Variants in STARD13 observed in about 807,000 individuals in gnomAD.
The protein encoded by STARD13 is stAR-related lipid transfer protein 13.
In STARD13, 62 loss-of-function variants were observed where a neutral mutation model predicts 106.4. The ratio of observed to expected loss-of-function variants is 0.58; its 90% CI spans 0.48 to 0.72. The LOEUF is 0.72. Among genes scored for constraint, STARD13 ranks in the 30% least tolerant of loss-of-function variants. The pLI is 0.00. For missense variants in STARD13, 1,387 were observed against 1,424.0 expected, an observed-to-expected ratio of 0.97 and a Z score of 0.42; for synonymous variants, 565 against 553.0, an observed-to-expected ratio of 1.02 and a Z score of -0.31.
At chr13:33,343,288 A>T (rs2138600164) in intron 1 of STARD13, among the ~76,000 whole-genome samples, 1 of 151,568 alleles carries the variant, frequency 6.6e-6, no homozygotes, top group Non-Finnish European at 1.5e-5. Context: ...TAAAAAAAAA[A>T]ATCTGGCTGG....
At chr13:33,229,224 T>C (rs748585009) in intron 1 of STARD13, among the ~76,000 whole-genome samples, 1 of 152,014 alleles carries the variant, frequency 6.6e-6, no homozygotes, top group Non-Finnish European at 1.5e-5. Flanking sequence ...TTAAGGCAGA[T>C]GGGCTGAAAA....
Position 33,130,624 on chromosome 13 carries a change from T to A in STARD13, c.388-335A>T, listed in dbSNP as rs137902502. On this transcript the variant is annotated intron_variant, in intron 4 of 13. Coordinates refer to ENST00000336934, the MANE Select transcript of STARD13 (RefSeq NM_178006.4). This position sits in a 1 kb window ranked among gnomAD's most constrained non-coding sequence, Gnocchi z 4.1. ...GGTATAATTACATCAGACTAGACGGTCTAAATATAAAGCACCTGCAGTCTT... is the reference window on the plus strand; with the variant it reads ...GGTATAATTACATCAGACTAGACGGACTAAATATAAAGCACCTGCAGTCTT... Among the ~76,000 whole-genome samples the A allele has an allele frequency of 1.1e-3, 170 of 152,274 alleles. 1 individual carries two copies. The highest frequency in any genetic ancestry group is 3.8e-3 in the African/African-American group (157 of 41,552).
At chr13:33,595,044 T>C in the STARD13 span, among the ~76,000 whole-genome samples, 46 of 152,250 alleles carry the variant, frequency 3.0e-4, no homozygotes, top group Non-Finnish European at 6.3e-4. Context: ...CTGGATCATA[T>C]GGTAATTCTA....
At chr13:33,317,759 C>T (rs951750326) in intron 1 of STARD13, among the ~76,000 whole-genome samples, 1 of 152,156 alleles carries the variant, frequency 6.6e-6, no homozygotes. Context: ...GTCCCCAGGA[C>T]AAAGTAAACT....
At chr13:33,155,637 G>C (rs1013325607) in intron 3 of STARD13, 1 of 151,974 alleles carries the variant, frequency 6.6e-6, no homozygotes, top group African/African-American at 2.4e-5. Flanking sequence ...CACAAAAGAG[G>C]CCATTAAAAA....
chr13:33,133,836 T>A (rs1157803560), intron 4 of STARD13, among the ~76,000 whole-genome samples: 1 of 152,116 alleles, frequency 6.6e-6, no homozygotes, highest in Non-Finnish European at 1.5e-5. Context: ...GAGTTTAAGG[T>A]TTTTTTACGC....
intron 1 of STARD13, among the ~76,000 whole-genome samples, chr13:33,216,491 C>G (rs148494171): frequency 6.6e-6 from 1 of 152,080 alleles, no homozygotes; most frequent in African/African-American, 2.4e-5. Context: ...TATATTCTTA[C>G]TTATAAGTGG....
intron 1 of STARD13, among the ~76,000 whole-genome samples, chr13:33,207,147 A>G (rs1887463042): frequency 6.6e-6 from 1 of 152,246 alleles, no homozygotes; most frequent in Non-Finnish European, 1.5e-5. Context: ...AGATGAAAGG[A>G]TTCCGGGAGT....
chr13:33,188,490 C>A (rs560122831), intron 1 of STARD13, among the ~76,000 whole-genome samples: 1 of 151,990 alleles, frequency 6.6e-6, no homozygotes, highest in South Asian at 2.1e-4. Flanking sequence ...ACACACACAC[C>A]CACCCACCCA....
the STARD13 span, among the ~76,000 whole-genome samples, chr13:33,447,735 G>T: frequency 6.6e-6 from 1 of 152,156 alleles, no homozygotes; most frequent in African/African-American, 2.4e-5. Context: ...ACACACAGAA[G>T]CTCAGACTGA....
intron 1 of STARD13, among the ~76,000 whole-genome samples, chr13:33,225,967 T>C (rs1888604248): frequency 6.6e-6 from 1 of 152,162 alleles, no homozygotes. Context: ...TTGGAGGTAA[T>C]TAGGGTTAGA....
chr13:33,573,376 A>G, the STARD13 span, among the ~76,000 whole-genome samples: 1 of 152,222 alleles, frequency 6.6e-6, no homozygotes, highest in Admixed American at 6.5e-5. Context: ...TCTTAAAAGT[A>G]TGAGGCCCAT....
At chr13:33,119,994 G>A (rs775431564) in intron 7 of STARD13, among the ~76,000 whole-genome samples, 4 of 152,180 alleles carry the variant, frequency 2.6e-5, no homozygotes, top group Non-Finnish European at 5.9e-5. Flanking sequence ...TCTCCGATTT[G>A]TTTACATCTT....
the STARD13 span, among the ~76,000 whole-genome samples, chr13:33,529,657 C>T: frequency 1.3e-5 from 2 of 152,042 alleles, no homozygotes; most frequent in African/African-American, 4.8e-5. Context: ...ATGTACAAAA[C>T]GATATGGGAA....
chr13:33,145,772 A>G (rs1880446153), intron 3 of STARD13, among the ~76,000 whole-genome samples: 1 of 152,236 alleles, frequency 6.6e-6, no homozygotes, highest in Non-Finnish European at 1.5e-5. Flanking sequence ...CACAAAGAGC[A>G]TACACTACAG....
At chr13:33,556,427 C>T in the STARD13 span, among the ~76,000 whole-genome samples, 5 of 152,016 alleles carry the variant, frequency 3.3e-5, no homozygotes, top group Admixed American at 1.3e-4. Flanking sequence ...ACCGCAGGGG[C>T]GCCACCTTTC....
chr13:33,153,605 T>A (rs1881580627), intron 3 of STARD13, among the ~76,000 whole-genome samples: 1 of 152,188 alleles, frequency 6.6e-6, no homozygotes, highest in South Asian at 2.1e-4. Context: ...CCAGCGGCCC[T>A]CTGCCTACAG....
the STARD13 span, among the ~76,000 whole-genome samples, chr13:33,489,037 T>A: frequency 1.3e-5 from 2 of 152,132 alleles, no homozygotes; most frequent in East Asian, 3.8e-4. Context: ...CTGCTGGGAG[T>A]CACCCTTCAT....
chr13:33,362,448 A>G, the STARD13 span, among the ~76,000 whole-genome samples: 1 of 152,174 alleles, frequency 6.6e-6, no homozygotes, highest in African/African-American at 2.4e-5. Context: ...CATCCAAACC[A>G]TATCAATAAG....
Sources: gnomAD v4.1 joint callset for allele counts (sites outside exome capture counted in the v4.1 genomes callset) on GRCh38, gnomAD v4.1.1 for gene constraint, Gnocchi (gnomAD v3.1) non-coding constraint, MANE v1.5 for transcripts, NCBI Gene and HGNC (gene_info 2026-07-23, HGNC 2026-07-21) for gene names.